OGFOD3: variants seen among roughly 807,000 people sequenced by gnomAD.
The protein encoded by OGFOD3 is 2-oxoglutarate and iron dependent oxygenase domain containing 3, also known as 2-oxoglutarate and iron-dependent oxygenase domain-containing protein 3.
OGFOD3 carries 35 observed loss-of-function variants against 39.8 expected under a neutral mutation model. That is an observed-to-expected ratio of 0.88 (90% confidence interval 0.67 to 1.17). The LOEUF (loss-of-function observed/expected upper bound fraction) is 1.17, where lower values mean the gene tolerates loss of function less well. Among genes scored for constraint, OGFOD3 ranks in the 50% most tolerant of loss-of-function variants. The pLI is 0.00. For synonymous variants in OGFOD3, 200 were observed against 192.0 expected, an observed-to-expected ratio of 1.04 and a Z score of -0.34; for missense variants, 438 against 454.5, an observed-to-expected ratio of 0.96 and a Z score of 0.33.
intron 7 of OGFOD3, 116 bp downstream of exon 7, chr17:82,403,821 G>A (rs1184685273): frequency 7.2e-7 from 1 of 1,384,860 alleles, no homozygotes; most frequent in Non-Finnish European, 9.8e-7. Flanking sequence ...CCTGCCCACG[G>A]GCACGCTCAC....
Position 82,391,898 on chromosome 17 carries a change from C to G in OGFOD3, c.*500G>C, listed in dbSNP as rs539467857. On this transcript the variant is annotated 3_prime_UTR_variant, in exon 9 of 9. Coordinates refer to ENST00000313056, the MANE Select transcript of OGFOD3 (RefSeq NM_024648.3). The surrounding 1 kb of genome is among the most constrained non-coding windows in gnomAD (Gnocchi z 5.1). ...TGAATCCAGCAGAACTCCCACCCACCCCAAAGGACCCCGTTGCTGCCTCCA... is the reference window on the plus strand; with the variant it reads ...TGAATCCAGCAGAACTCCCACCCACGCCAAAGGACCCCGTTGCTGCCTCCA... The G allele has an allele frequency of 4.1e-4, 65 of 160,458 alleles. No individual in the cohort carries two copies. The highest frequency in any genetic ancestry group is 1.4e-3 in the African/African-American group (60 of 41,664). 9.9% of individuals were successfully genotyped at this position (160,458 alleles called of 1,614,324 possible). A position where few individuals can be genotyped will look rare whatever the true frequency, so the allele number is the denominator to read the frequency against.
Position 82,392,563 on chromosome 17 carries a change from CAT to C in OGFOD3, c.824-31_824-30del, listed in dbSNP as rs1406594512. The C allele has an allele frequency of 8.3e-6, 13 of 1,562,912 alleles. No individual in the cohort carries two copies. Among genetic ancestry groups the C allele is most frequent in the Non-Finnish European group, 1.0e-5 (12 of 1,154,388 alleles). On this transcript the variant is annotated intron_variant, in intron 8 of 8. Transcript: ENST00000313056. This position sits in a 1 kb window ranked among gnomAD's most constrained non-coding sequence, Gnocchi z 4.2. Reference sequence around the variant, plus strand: ...GGAGAGGAGAAGAGAGAGAGGTGGCCATAGAGCCACACCCACGGCCACAGCCT... The same window carrying C: ...GGAGAGGAGAAGAGAGAGAGGTGGCCAGAGCCACACCCACGGCCACAGCCT...
chr17:82,395,807 C>T (rs931577380), intron 8 of OGFOD3, among the ~76,000 whole-genome samples: 2 of 152,010 alleles, frequency 1.3e-5, no homozygotes, highest in African/African-American at 2.4e-5. Flanking sequence ...GGCGACAGAG[C>T]GAGACTCCGT....
At position 82,392,404 on chromosome 17, in the gene OGFOD3, G is replaced by C; in HGVS notation, c.954C>G (p.Phe318Leu). ...NPDHGIEDPA[F>L]P ...ACCTTGGCCCGGCTGCTGGCTACGG[G>C]AACGCTGGGTCCTCGATGCCATGGT... Residue 318 changes from phenylalanine to leucine, a missense_variant, in exon 9 of 9, where the codon TTC (phenylalanine) becomes TTG (leucine). Physicochemically the swap from Phe to Leu is conservative, Grantham distance 22. Coordinates refer to ENST00000313056, the MANE Select transcript of OGFOD3 (RefSeq NM_024648.3). The surrounding 1 kb of genome is among the most constrained non-coding windows in gnomAD (Gnocchi z 4.2). 6.2e-7 allele frequency: 1 copy of C among 1,611,266 alleles called. No homozygotes were observed. Among genetic ancestry groups the C allele is most frequent in the African/African-American group, 1.3e-5 (1 of 74,998 alleles).
chr17:82,403,369 C>A (rs2052796665), intron 7 of OGFOD3, among the ~76,000 whole-genome samples: 1 of 152,160 alleles, frequency 6.6e-6, no homozygotes, highest in South Asian at 2.1e-4. Flanking sequence ...TGGTGGCTCA[C>A]ACCTGTAATC....
At chr17:82,416,236 CAATAAATA>C (rs539849208) in intron 1 of OGFOD3, among the ~76,000 whole-genome samples, 5 of 152,196 alleles carry the variant, frequency 3.3e-5, no homozygotes, top group Admixed American at 6.5e-5. Flanking sequence ...AACTCCATCT[CAATAAATA>C]AATAAATAAA....
In OGFOD3 at chr17:82,407,364, G is replaced by A. The variant is rs546450225; in HGVS notation, c.424-882C>T. Among the ~76,000 whole-genome samples the A allele has an allele frequency of 3.3e-5, 5 of 152,222 alleles. No homozygotes were observed. In the East Asian group the frequency reaches 5.8e-4, roughly 18 times the overall value. ...CTATTTTTAGTCTGGAGCCATCTCC[G>A]TGCAGCTCCGTGCCAGTCACAGTCA... On this transcript the variant is annotated intron_variant, in intron 4 of 8. Transcript: ENST00000313056.
At chr17:82,401,822 A>AAC in intron 7 of OGFOD3, among the ~76,000 whole-genome samples, 1 of 144,810 alleles carries the variant, frequency 6.9e-6, no homozygotes, top group South Asian at 2.4e-4. Context: ...AAAAAAAAAA[A>AAC]ACAAAGACTG....
At chr17:82,399,971 G>A (rs915848159) in intron 7 of OGFOD3, among the ~76,000 whole-genome samples, 3 of 152,348 alleles carry the variant, frequency 2.0e-5, no homozygotes, top group African/African-American at 7.2e-5. Flanking sequence ...CGGGCGCTGA[G>A]CTAGGTACAT....
Position 82,411,515 on chromosome 17 carries a change from T to G in OGFOD3, c.320A>C (p.Lys107Thr). 3 of 1,614,096 alleles carry G rather than the reference T, an allele frequency of 1.9e-6. No individual in the cohort carries two copies. The highest frequency in any genetic ancestry group is 2.5e-6 in the Non-Finnish European group (3 of 1,180,014). ...HRRFEGCTPR[K>T]CGRGVTDVVI... Reference sequence around the variant, plus strand: ...GACATCGGTGACACCTCTGCCGCACTTTCGGGGAGTGCAGCCTGTGAAGGG... The same window carrying G: ...GACATCGGTGACACCTCTGCCGCACGTTCGGGGAGTGCAGCCTGTGAAGGG... Residue 107 changes from lysine (K) to threonine (T), a missense_variant, in exon 3 of 9, where the codon AAG (lysine) becomes ACG (threonine). Lys to Thr is a moderately conservative substitution (Grantham distance 78). Transcript: ENST00000313056.
At chr17:82,397,749 G>A (rs372162200) in intron 8 of OGFOD3, among the ~76,000 whole-genome samples, 5 of 152,120 alleles carry the variant, frequency 3.3e-5, no homozygotes, top group Non-Finnish European at 4.4e-5. Flanking sequence ...AGCCGGCACC[G>A]CAGAGCCACC....
rs79956747 is a variant in OGFOD3, at chr17:82,401,803, C to CAAAAAAAAAAAAAAAA, written c.699+2118_699+2133dup. Among the ~76,000 whole-genome samples, 44 of 61,684 alleles carry CAAAAAAAAAAAAAAAA rather than the reference C, an allele frequency of 7.1e-4. 1 individual carries two copies. Among genetic ancestry groups the CAAAAAAAAAAAAAAAA allele is most frequent in the East Asian group, 2.9e-3 (3 of 1,050 alleles). The allele number at this position is 61,684 out of a possible 152,430, so 40.5% of individuals were successfully genotyped here. The stretch of plus-strand genomic sequence containing the variant: ...TGGGTGGCAGAGCAAGACTCCATCT[C>CAAAAAAAAAAAAAAAA]AAAAAAAAAAAAAAAAAAAACAAAG... On this transcript the variant is annotated intron_variant, in intron 7 of 8. Transcript: ENST00000313056.
At chr17:82,413,561 TAAAAAACA>T (rs2052987339) in intron 2 of OGFOD3, among the ~76,000 whole-genome samples, 1 of 151,984 alleles carries the variant, frequency 6.6e-6, no homozygotes, top group Non-Finnish European at 1.5e-5. Context: ...ATTCATGAGT[TAAAAAACA>T]ATAATAATAA....
In OGFOD3 at chr17:82,404,292, G is replaced by A. The variant is rs2052817992; in HGVS notation, c.546-202C>T. On this transcript the variant is annotated intron_variant, in intron 6 of 8. Transcript: ENST00000313056. The surrounding 1 kb of genome is among the most constrained non-coding windows in gnomAD (Gnocchi z 4.5). ...CAGCCCACGCACAGAGCAGCCAGAG[G>A]CAGGCGCAAGACCACAGCAGCAGGA... Among the ~76,000 whole-genome samples, 1 of 152,238 alleles carries A rather than the reference G, an allele frequency of 6.6e-6. No individual in the cohort carries two copies.
At chr17:82,402,298 G>A (rs751776001) in intron 7 of OGFOD3, among the ~76,000 whole-genome samples, 2 of 151,962 alleles carry the variant, frequency 1.3e-5, no homozygotes, top group Non-Finnish European at 2.9e-5. Flanking sequence ...AGCTGGGCGT[G>A]GTGGTGCATG....
intron 1 of OGFOD3, among the ~76,000 whole-genome samples, chr17:82,417,067 A>T (rs988566805): frequency 6.7e-4 from 102 of 152,248 alleles, no homozygotes; most frequent in Non-Finnish European, 7.3e-4. Context: ...GGAAATTTTT[A>T]AAATGTATTA....
Position 82,392,191 on chromosome 17 carries a change from G to A in OGFOD3, c.*207C>T, listed in dbSNP as rs2052605366. ...TCCACCTCAGGCTCCCAGGCCTACA[G>A]CCCAAGCACACATGATGCTGGAGAA... is the stretch of plus-strand genomic sequence containing the variant. On this transcript the variant is annotated 3_prime_UTR_variant, in exon 9 of 9. Transcript: ENST00000313056. The surrounding 1 kb of genome is among the most constrained non-coding windows in gnomAD (Gnocchi z 4.2). 2 of 643,440 alleles carry A rather than the reference G, an allele frequency of 3.1e-6. No individual in the cohort carries two copies. The highest frequency in any genetic ancestry group is 5.3e-6 in the Non-Finnish European group (2 of 380,790). 39.9% of individuals were successfully genotyped at this position (643,440 alleles called of 1,614,324 possible).
chr17:82,397,446 G>C (rs1191787775), intron 8 of OGFOD3, among the ~76,000 whole-genome samples: 1 of 141,974 alleles, frequency 7.0e-6, no homozygotes, highest in African/African-American at 2.6e-5. Flanking sequence ...GGGTGAGGCA[G>C]TGGGGGGTGG....
At position 82,404,389 on chromosome 17, in the gene OGFOD3, G is replaced by A. The variant is rs1334980881; in HGVS notation, c.546-299C>T. 6.6e-6 allele frequency among the ~76,000 whole-genome samples: 1 copy of A among 152,242 alleles called. No homozygotes were observed. Among genetic ancestry groups the A allele is most frequent in the Non-Finnish European group, 1.5e-5 (1 of 68,032 alleles). On this transcript the variant is annotated intron_variant, in intron 6 of 8. Transcript: ENST00000313056. The surrounding 1 kb of genome is among the most constrained non-coding windows in gnomAD (Gnocchi z 4.5). ...GTGTGGAGTCAGGCCCCAGATGCCA[G>A]AGCCTCCAGGCTTCACTTGCAGGGC...
Sources: gnomAD v4.1 joint callset for allele counts (sites outside exome capture counted in the v4.1 genomes callset) on GRCh38, gnomAD v4.1.1 for gene constraint, Gnocchi (gnomAD v3.1) non-coding constraint, MANE v1.5 for transcripts, NCBI Gene and HGNC (gene_info 2026-07-23, HGNC 2026-07-21) for gene names.